Variants in TVP23B observed in about 807,000 individuals in gnomAD.
TVP23B encodes Golgi apparatus membrane protein TVP23 homolog B.
TVP23B carries 10 observed loss-of-function variants against 30.6 expected under a neutral mutation model. That is an observed-to-expected ratio of 0.33 (90% CI 0.20 to 0.55). The LOEUF (loss-of-function observed/expected upper bound fraction) is 0.55, where lower values mean the gene tolerates loss of function less well. Ranked by LOEUF, TVP23B falls within the 20% of genes least tolerant of loss-of-function variation. The pLI, the probability that TVP23B is intolerant of heterozygous loss-of-function variation, is 0.91. For missense variants in TVP23B, 153 were observed against 243.2 expected, an observed-to-expected ratio of 0.63 and a Z score of 2.47; for synonymous variants, 67 against 83.1, an observed-to-expected ratio of 0.81 and a Z score of 1.06.
intron 1 of TVP23B, among the ~76,000 whole-genome samples, chr17:18,785,258 A>G (rs1261766453): frequency 3.3e-5 from 5 of 152,192 alleles, no homozygotes. Context: ...TGGTTTTAGC[A>G]TCTTAAAATG....
At chr17:18,789,744 A>C (rs1316183440) in intron 2 of TVP23B, 1 of 251,846 alleles carries the variant, frequency 4.0e-6, no homozygotes, top group Non-Finnish European at 7.6e-6. Context: ...TTACATTTTG[A>C]TTTATTGTGC....
At chr17:18,799,013 T>A in intron 5 of TVP23B, 70 bp downstream of exon 5, 1 of 1,544,200 alleles carries the variant, frequency 6.5e-7, no homozygotes, top group South Asian at 1.2e-5. Flanking sequence ...AAGCAACAAC[T>A]ACAACTGAGT....
chr17:18,804,412 G>A lies in TVP23B; in HGVS notation c.591+146G>A, dbSNP rs1024045024. On this transcript the variant is annotated intron_variant, in intron 6 of 6. Transcript: ENST00000307767. Reference sequence around the variant, plus strand: ...ATAAAGATGTTGTAATTGCTCTTTGGGGGTGTTCAAGACAGTCTGGAAGTG... The same window carrying A: ...ATAAAGATGTTGTAATTGCTCTTTGAGGGTGTTCAAGACAGTCTGGAAGTG... 4 of 1,361,082 alleles carry A rather than the reference G, an allele frequency of 2.9e-6. No individual in the cohort carries two copies. In the African/African-American group the frequency reaches 6.0e-5, roughly 21 times the overall value. 84.3% of individuals were successfully genotyped at this position (1,361,082 alleles called of 1,614,324 possible). A position where few individuals can be genotyped will look rare whatever the true frequency, so the allele number is the denominator to read the frequency against.
Position 18,805,842 on chromosome 17 carries a change from G to A in TVP23B, c.*275G>A. 3 of 1,230,228 alleles carry A rather than the reference G, an allele frequency of 2.4e-6. No homozygotes were observed. The highest frequency in any genetic ancestry group is 3.1e-6 in the Non-Finnish European group (3 of 981,446). 76.2% of individuals were successfully genotyped at this position (1,230,228 alleles called of 1,614,324 possible). ...ATTCCATAGGTATGCACACGGCCAT[G>A]TAATATCAGTATATCCCAAGTTAAT... On this transcript the variant is annotated 3_prime_UTR_variant, in exon 7 of 7. Coordinates refer to ENST00000307767, the MANE Select transcript of TVP23B (RefSeq NM_016078.6).
chr17:18,791,108 G>T, intron 3 of TVP23B, 68 bp downstream of exon 3: 2 of 1,452,296 alleles, frequency 1.4e-6, no homozygotes, highest in Non-Finnish European at 1.8e-6. Flanking sequence ...ATATGAGTTA[G>T]CATTTTGCAT....
chr17:18,806,284 T>C lies in TVP23B; in HGVS notation c.*717T>C, dbSNP rs1325533763. On this transcript the variant is annotated 3_prime_UTR_variant, in exon 7 of 7. Transcript: ENST00000307767. ...GAAAGGATAGCTAGATTGAAAGCTC[T>C]TCAGTGGACCTTGAGCTAATAGATC... 2.1e-6 allele frequency: 2 copies of C among 967,908 alleles called. No homozygotes were observed. The highest frequency in any genetic ancestry group is 9.5e-5 in the South Asian group (2 of 20,984). 60.0% of individuals were successfully genotyped at this position (967,908 alleles called of 1,614,324 possible). A position where few individuals can be genotyped will look rare whatever the true frequency, so the allele number is the denominator to read the frequency against.
intron 5 of TVP23B, among the ~76,000 whole-genome samples, chr17:18,801,542 G>C (rs1285451371): frequency 2.0e-5 from 3 of 152,156 alleles, no homozygotes; most frequent in African/African-American, 7.3e-5. Context: ...GTGCGATGTG[G>C]AGAACTTGCC....
At chr17:18,801,718 T>C (rs889178359) in intron 5 of TVP23B, among the ~76,000 whole-genome samples, 1 of 151,794 alleles carries the variant, frequency 6.6e-6, no homozygotes, top group Non-Finnish European at 1.5e-5. Flanking sequence ...CAGCCCAGTC[T>C]TTTTCTAGCA....
At chr17:18,801,998 G>A (rs1238103327) in intron 5 of TVP23B, among the ~76,000 whole-genome samples, 13 of 152,156 alleles carry the variant, frequency 8.5e-5, no homozygotes, top group Admixed American at 3.9e-4. Context: ...CAAGGCGGGC[G>A]GATCACGAGG....
At chr17:18,792,817 G>A (rs868697470) in intron 3 of TVP23B, among the ~76,000 whole-genome samples, 2 of 152,114 alleles carry the variant, frequency 1.3e-5, no homozygotes, top group African/African-American at 4.8e-5. Flanking sequence ...GTCAAGAATA[G>A]GGAAATTATT....
intron 1 of TVP23B, among the ~76,000 whole-genome samples, chr17:18,788,799 A>G (rs889451081): frequency 1.3e-5 from 2 of 152,186 alleles, no homozygotes; most frequent in Non-Finnish European, 2.9e-5. Context: ...CAAAAAAGAA[A>G]GATCCAATAG....
Position 18,803,429 on chromosome 17 carries a change from A to G in TVP23B, c.463-709A>G, listed in dbSNP as rs1039895689. On this transcript the variant is annotated intron_variant, in intron 5 of 6. Coordinates refer to ENST00000307767, the MANE Select transcript of TVP23B (RefSeq NM_016078.6). ...TGTATTAGAGTCTTTAACCTTGGGA[A>G]TCCCTCACATTGTCTCAATTTTTCT... Among the ~76,000 whole-genome samples, 34 of 152,236 alleles carry G rather than the reference A, an allele frequency of 2.2e-4. 1 individual carries two copies.
chr17:18,784,286 GTCTC>G (rs2035866212), intron 1 of TVP23B, among the ~76,000 whole-genome samples: 1 of 152,152 alleles, frequency 6.6e-6, no homozygotes, highest in African/African-American at 2.4e-5. Context: ...ATTCTAGTCA[GTCTC>G]TCTTCCCCTC....
At chr17:18,790,320 C>T (rs1460706213) in intron 2 of TVP23B, among the ~76,000 whole-genome samples, 5 of 151,546 alleles carry the variant, frequency 3.3e-5, no homozygotes, top group East Asian at 3.9e-4. Context: ...AAAAATTAGC[C>T]GGGCGTGGTG....
rs2036112677 is a variant in TVP23B, at chr17:18,798,709, T to A, written c.331-103T>A. ...TCTAACTTAGGAGTTGGGCTGTGTG[T>A]ATTAATATTTGAACTTGTGGGTAAT... is the stretch of plus-strand genomic sequence containing the variant. On this transcript the variant is annotated intron_variant, in intron 4 of 6. Transcript: ENST00000307767. 7.5e-6 allele frequency: 11 copies of A among 1,466,072 alleles called. No individual in the cohort carries two copies. In the South Asian group the frequency reaches 1.3e-4, roughly 18 times the overall value. 90.8% of individuals were successfully genotyped at this position (1,466,072 alleles called of 1,614,324 possible).
intron 4 of TVP23B, among the ~76,000 whole-genome samples, chr17:18,798,265 A>T (rs1015776952): frequency 1.3e-5 from 2 of 152,140 alleles, no homozygotes; most frequent in African/African-American, 2.4e-5. Context: ...TTGACAAGTT[A>T]TTTTAAGAAA....
At chr17:18,802,738 T>C (rs1378112514) in intron 5 of TVP23B, among the ~76,000 whole-genome samples, 2 of 152,220 alleles carry the variant, frequency 1.3e-5, no homozygotes, top group African/African-American at 4.8e-5. Flanking sequence ...AACCAGAAGT[T>C]TAACTTACAG....
At chr17:18,798,995 A>G in intron 5 of TVP23B, 52 bp downstream of exon 5, 1 of 1,571,956 alleles carries the variant, frequency 6.4e-7, no homozygotes, top group Non-Finnish European at 8.6e-7. Context: ...TCTGATGGTA[A>G]TCATAGGAAG....
intron 5 of TVP23B, among the ~76,000 whole-genome samples, chr17:18,803,271 A>T (rs1335727441): frequency 1.3e-5 from 2 of 152,142 alleles, no homozygotes; most frequent in Non-Finnish European, 2.9e-5. Flanking sequence ...TTATTGAAAA[A>T]CAGCCTTGCC....
Sources: allele counts gnomAD v4.1 joint callset (sites outside exome capture counted in the v4.1 genomes callset), GRCh38; gene constraint gnomAD v4.1.1; transcripts MANE v1.5; gene names NCBI Gene and HGNC (gene_info 2026-07-23, HGNC 2026-07-21).